STON1: variants seen among roughly 807,000 people sequenced by gnomAD.
STON1 encodes stonin-1.
Under a neutral mutation model 60.9 loss-of-function variants are expected in STON1, and 79 were observed. The observed-to-expected ratio is 1.30, with a 90% confidence interval of 1.08 to 1.56. STON1 has a LOEUF of 1.56. STON1 is among the 40% of genes most tolerant of loss of function. The pLI, the probability that STON1 is intolerant of heterozygous loss-of-function variation, is 0.00. For missense variants in STON1, 1,166 were observed against 858.9 expected (o/e 1.36, Z -4.47); for synonymous variants, 363 against 306.9 (o/e 1.18, Z -1.91).
chr2:48,545,485 T>C (rs1376246972), intron 1 of STON1, among the ~76,000 whole-genome samples: 2 of 152,210 alleles, frequency 1.3e-5, no homozygotes, highest in Non-Finnish European at 2.9e-5. Context: ...GCTGGCTTGC[T>C]GTCTGTCTAA....
intron 1 of STON1, among the ~76,000 whole-genome samples, chr2:48,573,022 C>G (rs1190813142): frequency 6.6e-6 from 1 of 152,210 alleles, no homozygotes; most frequent in Non-Finnish European, 1.5e-5. Flanking sequence ...GTGCTCTGTC[C>G]CTAGCGGAGC....
rs200865903 is a variant in STON1 at position 48,581,266 on chromosome 2, C to G, written c.633C>G (p.Asn211Lys). The G allele has an allele frequency of 2.8e-5, 43 of 1,518,686 alleles. No individual in the cohort carries two copies. Among genetic ancestry groups the G allele is most frequent in the Middle Eastern group, 3.6e-4 (2 of 5,598 alleles). 94.1% of individuals were successfully genotyped at this position (1,518,686 alleles called of 1,614,324 possible). Residue 211 changes from asparagine to lysine, a missense_variant, in exon 2 of 4, where the codon AAC becomes AAG. Transcript: ENST00000404752. The stretch of plus-strand genomic sequence containing the variant: ...GCAAAAAGATGTTCTCATCAAGAAA[C>G]AAGGAGATGCCTATTGACCAAAAAA... ...PGSKKMFSSR[N>K]KEMPIDQKSL...
chr2:48,559,764 C>T (rs917057309), intron 1 of STON1, among the ~76,000 whole-genome samples: 2 of 152,122 alleles, frequency 1.3e-5, no homozygotes, highest in African/African-American at 4.8e-5. Context: ...CTGCAGTTTC[C>T]ATGGTGCTTA....
At chr2:48,546,207 T>C (rs768711435) in intron 1 of STON1, among the ~76,000 whole-genome samples, 4 of 152,216 alleles carry the variant, frequency 2.6e-5, no homozygotes, top group Non-Finnish European at 5.9e-5. Flanking sequence ...GTCTTTTCAC[T>C]GCATCCTCAT....
chr2:48,539,274 T>C (rs544911801), intron 1 of STON1, among the ~76,000 whole-genome samples: 6 of 152,270 alleles, frequency 3.9e-5, no homozygotes, highest in Admixed American at 6.5e-5. Context: ...TTTATTAATA[T>C]AGATGTCTAC....
chr2:48,564,411 T>G lies in STON1; in HGVS notation c.-47-16176T>G, dbSNP rs1351328889. Among the ~76,000 whole-genome samples, 96 of 33,244 alleles carry G rather than the reference T, an allele frequency of 2.9e-3. 1 individual carries two copies. Among genetic ancestry groups the G allele is most frequent in the African/African-American group, 0.01 (89 of 8,748 alleles). 21.8% of individuals were successfully genotyped at this position (33,244 alleles called of 152,430 possible). ...CTCCAGTGGCAGTGGCGGTGTCTTC[T>G]TCTTCTTCTTCTTCTTCTTCTTCTT... is the stretch of plus-strand genomic sequence containing the variant. On this transcript the variant is annotated intron_variant, in intron 1 of 3. Transcript: ENST00000404752.
chr2:48,574,317 A>C (rs538603915), intron 1 of STON1, among the ~76,000 whole-genome samples: 471 of 152,032 alleles, frequency 3.1e-3, no homozygotes, highest in Non-Finnish European at 5.6e-3. Context: ...CAAAGGTTGC[A>C]GTGAGTCGAG....
At chr2:48,539,710 C>T (rs928137430) in intron 1 of STON1, among the ~76,000 whole-genome samples, 7 of 151,992 alleles carry the variant, frequency 4.6e-5, no homozygotes, top group Admixed American at 3.9e-4. Context: ...TGGGCTCAAA[C>T]GATCAATGGG....
intron 1 of STON1, among the ~76,000 whole-genome samples, chr2:48,576,443 G>A (rs919338776): frequency 6.6e-6 from 1 of 150,804 alleles, no homozygotes; most frequent in Non-Finnish European, 1.5e-5. Context: ...TCCCGCCTCG[G>A]CTTTCCAAAG....
At chr2:48,540,851 G>A (rs1671622916) in intron 1 of STON1, among the ~76,000 whole-genome samples, 1 of 152,120 alleles carries the variant, frequency 6.6e-6, no homozygotes, top group South Asian at 2.1e-4. Context: ...CCCAGCTGGT[G>A]TCTGTTGCTT....
chr2:48,565,227 T>TA (rs1672889343), intron 1 of STON1, among the ~76,000 whole-genome samples: 1 of 151,834 alleles, frequency 6.6e-6, no homozygotes, highest in East Asian at 1.9e-4. Flanking sequence ...TAATTTTTTG[T>TA]ATTTTTGGTA....
At chr2:48,558,716 A>G (rs572673166) in intron 1 of STON1, among the ~76,000 whole-genome samples, 1 of 152,272 alleles carries the variant, frequency 6.6e-6, no homozygotes, top group African/African-American at 2.4e-5. Flanking sequence ...TTGCTGCCCT[A>G]TGTCTTTACT....
At chr2:48,539,042 C>G (rs1375798190) in intron 1 of STON1, among the ~76,000 whole-genome samples, 1 of 151,910 alleles carries the variant, frequency 6.6e-6, no homozygotes, top group Non-Finnish European at 1.5e-5. Context: ...CTCAGCCTCC[C>G]TAGTAGCTGA....
chr2:48,585,645 A>C (rs1435508854), intron 2 of STON1, among the ~76,000 whole-genome samples: 3 of 152,246 alleles, frequency 2.0e-5, no homozygotes, highest in Admixed American at 2.0e-4. Flanking sequence ...CAAGGTTCCA[A>C]ATGGTCTATT....
chr2:48,579,909 A>AAT (rs1253480272), intron 1 of STON1, among the ~76,000 whole-genome samples: 4 of 151,738 alleles, frequency 2.6e-5, no homozygotes, highest in South Asian at 2.1e-4. Context: ...TGGATATATA[A>AAT]ATATATATAT....
intron 1 of STON1, among the ~76,000 whole-genome samples, chr2:48,540,994 C>G (rs1006813689): frequency 2.0e-5 from 3 of 152,188 alleles, no homozygotes; most frequent in African/African-American, 7.2e-5. Flanking sequence ...TCTACCCAAT[C>G]CGTCATACTG....
rs570395523 is a variant in STON1 at position 48,554,313 on chromosome 2, C to G, written c.-48+24097C>G. Among the ~76,000 whole-genome samples, 521 of 152,298 alleles carry G rather than the reference C, an allele frequency of 3.4e-3. 1 individual carries two copies. The highest frequency in any genetic ancestry group is 0.012 in the African/African-American group (503 of 41,550). On this transcript the variant is annotated intron_variant, in intron 1 of 3. Transcript: ENST00000404752. ...CTCGGCTCACTGCAACCTCCACCTC[C>G]CTGGTTCAAGCAGTTCTCCTGCCTC... is the stretch of plus-strand genomic sequence containing the variant.
In STON1 at chr2:48,598,333, C is replaced by T. The variant is rs749640793; in HGVS notation, c.*3031C>T. 1 of 152,538 alleles carries T rather than the reference C, an allele frequency of 6.6e-6. No homozygotes were observed. Among genetic ancestry groups the T allele is most frequent in the South Asian group, 2.1e-4 (1 of 4,824 alleles). 9.4% of individuals were successfully genotyped at this position (152,538 alleles called of 1,614,324 possible). On this transcript the variant is annotated 3_prime_UTR_variant, in exon 4 of 4. Coordinates refer to ENST00000404752, the MANE Select transcript of STON1 (RefSeq NM_006873.4). ...CAGAGCTATGCTTGTGATACAGCCC[C>T]TTTTCTTATAAAGTCAGTTAGAAGG...
chr2:48,589,704 A>G (rs1380901169), intron 2 of STON1, among the ~76,000 whole-genome samples: 1 of 152,164 alleles, frequency 6.6e-6, no homozygotes, highest in Admixed American at 6.6e-5. Context: ...TTTCATCGTA[A>G]AATTTCCCCA....
Sources: gnomAD v4.1 joint callset for allele counts (sites outside exome capture counted in the v4.1 genomes callset) on GRCh38, gnomAD v4.1.1 for gene constraint, MANE v1.5 for transcripts, NCBI Gene and HGNC (gene_info 2026-07-23, HGNC 2026-07-21) for gene names.